The following PCBP3 variants were observed in gnomAD, a reference collection of about 807,000 sequenced individuals.
PCBP3 encodes the protein poly(rC)-binding protein 3.
In PCBP3, 25 loss-of-function variants were observed where a neutral mutation model predicts 52.7. The observed-to-expected ratio is 0.47, with a 90% confidence interval of 0.35 to 0.66. The LOEUF is 0.66. Ranked by LOEUF, PCBP3 falls within the 30% of genes least tolerant of loss-of-function variation. The pLI, the probability that PCBP3 is intolerant of heterozygous loss-of-function variation, is 0.01. For synonymous variants in PCBP3, 162 were observed against 183.0 expected, an observed-to-expected ratio of 0.89 and a Z score of 0.93; for missense variants, 391 against 490.3, an observed-to-expected ratio of 0.80 and a Z score of 1.91.
At chr21:45,792,786 T>C (rs1249943051) in intron 4 of PCBP3, among the ~76,000 whole-genome samples, 6 of 151,752 alleles carry the variant, frequency 4.0e-5, no homozygotes, top group African/African-American at 1.5e-4. Context: ...ACTCAGGGAG[T>C]TGGAGAGGGC....
chr21:45,712,433 T>C (rs1342706856), intron 2 of PCBP3, among the ~76,000 whole-genome samples: 1 of 152,224 alleles, frequency 6.6e-6, no homozygotes, highest in Non-Finnish European at 1.5e-5. Context: ...TTTTTTGATA[T>C]TAATAATTCT....
At chr21:45,754,376 A>T (rs1038697436) in intron 3 of PCBP3, among the ~76,000 whole-genome samples, 1 of 152,198 alleles carries the variant, frequency 6.6e-6, no homozygotes, top group Non-Finnish European at 1.5e-5. Context: ...TTGCCAGTAC[A>T]GTTTTTTTGA....
intron 2 of PCBP3, among the ~76,000 whole-genome samples, chr21:45,701,837 G>A (rs911505476): frequency 1.3e-5 from 2 of 152,110 alleles, no homozygotes; most frequent in African/African-American, 4.8e-5. Context: ...TGGGATTACA[G>A]GCATGAGCCA....
intron 2 of PCBP3, among the ~76,000 whole-genome samples, chr21:45,684,055 CAAA>C (rs71334088): frequency 2.5e-5 from 2 of 78,440 alleles, no homozygotes; most frequent in Non-Finnish European, 5.3e-5. Flanking sequence ...CCCATCTCTA[CAAA>C]AAAAAAAAAA....
intron 4 of PCBP3, chr21:45,832,785 T>G (rs903845171): frequency 6.6e-6 from 1 of 152,258 alleles, no homozygotes; most frequent in South Asian, 2.1e-4. Context: ...GAGGTTTAAT[T>G]GACTCATAGT....
At chr21:45,651,871 G>C (rs1306133096) in intron 1 of PCBP3, among the ~76,000 whole-genome samples, 1 of 152,144 alleles carries the variant, frequency 6.6e-6, no homozygotes, top group Non-Finnish European at 1.5e-5. Flanking sequence ...AACTCACCAG[G>C]TTGGGATAGG....
At chr21:45,684,288 G>C (rs1175922956) in intron 2 of PCBP3, among the ~76,000 whole-genome samples, 1 of 152,162 alleles carries the variant, frequency 6.6e-6, no homozygotes, top group Non-Finnish European at 1.5e-5. Context: ...GTTAAATCAA[G>C]AGGGTATTAA....
chr21:45,698,831 A>G (rs2147930456), intron 2 of PCBP3, among the ~76,000 whole-genome samples: 1 of 152,344 alleles, frequency 6.6e-6, no homozygotes, highest in East Asian at 1.9e-4. Flanking sequence ...TTAATGCATC[A>G]TGATGAATGA....
intron 4 of PCBP3, among the ~76,000 whole-genome samples, chr21:45,834,451 A>G (rs1232779485): frequency 3.9e-5 from 6 of 152,208 alleles, no homozygotes; most frequent in Non-Finnish European, 1.5e-5. Flanking sequence ...TGGCGTCCCC[A>G]TGCAGCTTGT....
At chr21:45,864,989 G>T (rs1010372758) in intron 5 of PCBP3, among the ~76,000 whole-genome samples, 2 of 152,148 alleles carry the variant, frequency 1.3e-5, no homozygotes, top group Non-Finnish European at 2.9e-5. Flanking sequence ...ACCAACTACA[G>T]CCTTCAAATG....
intron 5 of PCBP3, among the ~76,000 whole-genome samples, chr21:45,851,957 C>T (rs2094024464): frequency 6.6e-6 from 1 of 152,154 alleles, no homozygotes; most frequent in Non-Finnish European, 1.5e-5. Context: ...GCTCCCCAGC[C>T]CTGAGGCTAG....
At chr21:45,925,860 CA>C in intron 13 of PCBP3, among the ~76,000 whole-genome samples, 1 of 152,222 alleles carries the variant, frequency 6.6e-6, no homozygotes, top group Admixed American at 6.5e-5. Context: ...GACATTATAG[CA>C]AAAACTTGGC....
At chr21:45,675,586 A>G (rs535493032) in intron 2 of PCBP3, among the ~76,000 whole-genome samples, 7 of 152,332 alleles carry the variant, frequency 4.6e-5, no homozygotes, top group South Asian at 2.1e-4. Flanking sequence ...GGCGTATTGC[A>G]GTGCCAGTGA....
At position 45,882,390 on chromosome 21, in the gene PCBP3, A is replaced by G. The variant is rs1272543029; in HGVS notation, c.11-13818A>G. On this transcript the variant is annotated intron_variant, in intron 5 of 17. Coordinates refer to ENST00000681687, the MANE Select transcript of PCBP3 (RefSeq NM_001384156.1). ...AAAATCTGGTATTTGTTTTCTTGCT[A>G]TTGAGTTGTTTGAGTTCCTTACACA... Among the ~76,000 whole-genome samples, 3 of 151,876 alleles carry G rather than the reference A, an allele frequency of 2.0e-5. No individual in the cohort carries two copies. The East Asian group carries it at 5.8e-4, about 29-fold the overall frequency.
At chr21:45,816,057 A>G (rs1271961766) in intron 4 of PCBP3, among the ~76,000 whole-genome samples, 9 of 90,812 alleles carry the variant, frequency 9.9e-5, no homozygotes, top group African/African-American at 1.4e-4. Flanking sequence ...GTGAGTGGTG[A>G]GTGAGTGATG....
chr21:45,887,852 CTG>C (rs1232078754), intron 5 of PCBP3, among the ~76,000 whole-genome samples: 2 of 152,352 alleles, frequency 1.3e-5, no homozygotes, highest in East Asian at 3.9e-4. Flanking sequence ...GACGACCTCA[CTG>C]TTGTCACAGC....
At chr21:45,734,672 C>T (rs1569163167) in intron 2 of PCBP3, among the ~76,000 whole-genome samples, 1 of 152,208 alleles carries the variant, frequency 6.6e-6, no homozygotes. Flanking sequence ...TAGGCTGCAG[C>T]AATTGTAGGA....
At chr21:45,739,174 TC>T (rs2086163993) in intron 3 of PCBP3, among the ~76,000 whole-genome samples, 4 of 14,750 alleles carry the variant, frequency 2.7e-4, no homozygotes, top group Non-Finnish European at 3.8e-4. Context: ...TGGGTGGCCC[TC>T]CCCCATCTTC....
intron 2 of PCBP3, among the ~76,000 whole-genome samples, chr21:45,730,280 C>T (rs1211826570): frequency 6.6e-6 from 1 of 151,508 alleles, no homozygotes; most frequent in African/African-American, 2.4e-5. Flanking sequence ...TTTTCTTTGA[C>T]CCATATGTTA....
Sources: allele counts gnomAD v4.1 joint callset (sites outside exome capture counted in the v4.1 genomes callset), GRCh38; gene constraint gnomAD v4.1.1; transcripts MANE v1.5; gene names NCBI Gene and HGNC (gene_info 2026-07-23, HGNC 2026-07-21).